The following VPS35L variants were observed in gnomAD, a reference collection of about 807,000 sequenced individuals.
VPS35L encodes VPS35 endosomal protein sorting factor like.
A neutral mutation model predicts 133.0 loss-of-function variants in VPS35L; 83 were observed. The ratio of observed to expected loss-of-function variants is 0.62; its 90% CI spans 0.52 to 0.75. The LOEUF (loss-of-function observed/expected upper bound fraction) is 0.75, where lower values mean the gene tolerates loss of function less well. Among genes scored for constraint, VPS35L ranks in the 30% least tolerant of loss-of-function variants. The probability of loss-of-function intolerance (pLI) is 0.00; values close to 1 mark genes in which losing one functional copy is unlikely to be tolerated. For synonymous variants in VPS35L, 423 were observed against 449.9 expected (o/e 0.94, Z 0.76); for missense variants, 1,083 against 1,206.8 (o/e 0.90, Z 1.52).
At chr16:19,684,607 A>C (rs1194203613) in intron 28 of VPS35L, among the ~76,000 whole-genome samples, 1 of 152,190 alleles carries the variant, frequency 6.6e-6, no homozygotes, top group African/African-American at 2.4e-5. Context: ...CAGCTTTACT[A>C]TGAGGACAGG....
At chr16:19,560,522 G>A (rs1038435091) in intron 1 of VPS35L, among the ~76,000 whole-genome samples, 1 of 152,168 alleles carries the variant, frequency 6.6e-6, no homozygotes, top group Non-Finnish European at 1.5e-5. Context: ...GAGGCTGGGC[G>A]TGGTGGCTCA....
intron 29 of VPS35L, among the ~76,000 whole-genome samples, chr16:19,697,169 A>AC (rs1193598559): frequency 6.6e-6 from 1 of 152,224 alleles, no homozygotes; most frequent in African/African-American, 2.4e-5. Flanking sequence ...CCACAGCACA[A>AC]CCTGCTCCCT....
chr16:19,616,345 A>G (rs1414678762), intron 13 of VPS35L, among the ~76,000 whole-genome samples, 154 bp downstream of exon 13: 1 of 152,102 alleles, frequency 6.6e-6, no homozygotes, highest in East Asian at 1.9e-4. Flanking sequence ...TAGACAATTA[A>G]AATGTGTTGA....
intron 14 of VPS35L, among the ~76,000 whole-genome samples, chr16:19,621,759 A>G (rs1973089277): frequency 6.6e-6 from 1 of 152,228 alleles, no homozygotes; most frequent in Non-Finnish European, 1.5e-5. Context: ...ACTTACATGT[A>G]TTCCCAAGTT....
intron 7 of VPS35L, among the ~76,000 whole-genome samples, chr16:19,584,182 T>C (rs1597328799): frequency 6.6e-6 from 1 of 152,258 alleles, no homozygotes; most frequent in East Asian, 1.9e-4. Flanking sequence ...CTGGTATTTC[T>C]TTGATATACT....
At chr16:19,578,968 G>A (rs1484405777) in intron 5 of VPS35L, 84 bp from the exon 6 acceptor site, 1 of 1,079,996 alleles carries the variant, frequency 9.3e-7, no homozygotes, top group Non-Finnish European at 1.4e-6. Flanking sequence ...TATTCACGAT[G>A]AAGTGTAGAG....
chr16:19,632,570 T>C (rs111755241), intron 18 of VPS35L, among the ~76,000 whole-genome samples: 1 of 152,256 alleles, frequency 6.6e-6, no homozygotes. Context: ...CTTTTGTATT[T>C]TCTATAAATC....
intron 26 of VPS35L, among the ~76,000 whole-genome samples, chr16:19,667,270 T>A (rs1378354039): frequency 6.6e-6 from 1 of 152,048 alleles, no homozygotes; most frequent in Non-Finnish European, 1.5e-5. Flanking sequence ...TTGGGCCATG[T>A]CTTACTAGTG....
At position 19,633,725 on chromosome 16, in the gene VPS35L, T is replaced by G. The variant is rs963235180; in HGVS notation, c.1635+553T>G. 1.3e-5 allele frequency among the ~76,000 whole-genome samples: 2 copies of G among 151,062 alleles called. No individual in the cohort carries two copies. Among genetic ancestry groups the G allele is most frequent in the African/African-American group, 4.9e-5 (2 of 41,086 alleles). On this transcript the variant is annotated intron_variant, in intron 19 of 30. Transcript: ENST00000417362. The surrounding 1 kb of genome is among the most constrained non-coding windows in gnomAD (Gnocchi z 4.1). The stretch of plus-strand genomic sequence containing the variant: ...CAGATTTACTAGCTGTTAACATTTG[T>G]TTTTTTTTGTTTTTGTTTTTGTTTT...
chr16:19,583,657 G>A (rs1434443659), intron 7 of VPS35L, among the ~76,000 whole-genome samples: 2 of 151,788 alleles, frequency 1.3e-5, no homozygotes, highest in Non-Finnish European at 2.9e-5. Flanking sequence ...GGGAGGTGGA[G>A]GTTGCAGTGA....
In VPS35L at chr16:19,640,004, T is replaced by C; in HGVS notation, c.1699-11T>C. The C allele has an allele frequency of 6.2e-7, 1 of 1,612,908 alleles. No individual in the cohort carries two copies. Among genetic ancestry groups the C allele is most frequent in the Non-Finnish European group, 8.5e-7 (1 of 1,178,908 alleles). On this transcript the variant is annotated splice_polypyrimidine_tract_variant and intron_variant, in intron 20 of 30. Coordinates refer to ENST00000417362, the MANE Select transcript of VPS35L (RefSeq NM_020314.7). The stretch of plus-strand genomic sequence containing the variant: ...TGTCATTTGCATATAGAGTGCTTGC[T>C]TTATTTATAGGAAAAATTTCTGCCG...
At chr16:19,571,028 C>T (rs539095977) in intron 3 of VPS35L, among the ~76,000 whole-genome samples, 1 of 151,230 alleles carries the variant, frequency 6.6e-6, no homozygotes, top group East Asian at 1.9e-4. Context: ...CACGTGCCAC[C>T]ATGCCCAGCT....
intron 29 of VPS35L, among the ~76,000 whole-genome samples, chr16:19,698,977 G>A (rs1976014172): frequency 6.6e-6 from 1 of 152,194 alleles, no homozygotes; most frequent in Non-Finnish European, 1.5e-5. Flanking sequence ...AGCAAGAAAG[G>A]AAAGATCTGA....
chr16:19,613,300 C>G (rs2151550152), intron 12 of VPS35L, among the ~76,000 whole-genome samples: 1 of 152,218 alleles, frequency 6.6e-6, no homozygotes, highest in Admixed American at 6.5e-5. Context: ...AAGACTGCCT[C>G]AAACAAACAA....
chr16:19,682,330 T>G lies in VPS35L; in HGVS notation c.2467T>G (p.Cys823Gly). The G allele has an allele frequency of 6.2e-7, 1 of 1,614,208 alleles. No homozygotes were observed. The highest frequency in any genetic ancestry group is 8.5e-7 in the Non-Finnish European group (1 of 1,180,036). Residue 823 changes from cysteine to glycine, a missense_variant, in exon 28 of 31, where the codon TGC (cysteine) becomes GGC (glycine). Cys to Gly is a radical substitution (Grantham distance 159). Transcript: ENST00000417362. ...CGATGAGAAAATCCGCATCTACACCTGCGTCCTGCATCTCCTCTCCGCCAT... is the reference window on the plus strand; with the variant it reads ...CGATGAGAAAATCCGCATCTACACCGGCGTCCTGCATCTCCTCTCCGCCAT... ...NSDEKIRIYT[C>G]VLHLLSAMSQ...
In VPS35L at chr16:19,700,371, C is replaced by T. The variant is rs778462446; in HGVS notation, c.2794-7C>T. 6.2e-7 allele frequency: 1 copy of T among 1,610,894 alleles called. No homozygotes were observed. Among genetic ancestry groups the T allele is most frequent in the South Asian group, 1.1e-5 (1 of 90,998 alleles). On this transcript the variant is annotated splice_polypyrimidine_tract_variant and splice_region_variant and intron_variant, in intron 30 of 30. Coordinates refer to ENST00000417362, the MANE Select transcript of VPS35L (RefSeq NM_020314.7). ...GAAAGGAGATGGATCTTTCTTTTTC[C>T]TCATAGGTGAAAACGCTAGAATACA...
In VPS35L at chr16:19,655,478, C is replaced by G. The variant is rs372430425; in HGVS notation, c.2221+3388C>G. Among the ~76,000 whole-genome samples the G allele has an allele frequency of 3.9e-5, 6 of 152,338 alleles. No individual in the cohort carries two copies. In the South Asian group the frequency reaches 8.3e-4, roughly 21 times the overall value. ...AGCTGGTTATAAAATGTCCCCGTCC[C>G]TCCAGTTCATTTTGTTGCCTCCCTT... is the stretch of plus-strand genomic sequence containing the variant. On this transcript the variant is annotated intron_variant, in intron 26 of 30. Coordinates refer to ENST00000417362, the MANE Select transcript of VPS35L (RefSeq NM_020314.7).
At chr16:19,686,098 G>C (rs1975449484) in intron 28 of VPS35L, among the ~76,000 whole-genome samples, 1 of 152,148 alleles carries the variant, frequency 6.6e-6, no homozygotes, top group African/African-American at 2.4e-5. Flanking sequence ...CTTCTTCTTA[G>C]TCCAGCTGTG....
At position 19,560,936 on chromosome 16, in the gene VPS35L, G is replaced by A. The variant is rs1238857435; in HGVS notation, c.18-3915G>A. Among the ~76,000 whole-genome samples the A allele has an allele frequency of 2.6e-5, 4 of 151,808 alleles. No homozygotes were observed. The East Asian group carries it at 7.7e-4, about 29-fold the overall frequency. The stretch of plus-strand genomic sequence containing the variant: ...TCGAGGATTGCCTGATAGCATCCTT[G>A]ATGGGATGGGAGTTTGGAGGAATAT... On this transcript the variant is annotated intron_variant, in intron 1 of 30. Transcript: ENST00000417362.
Sources: gnomAD v4.1 joint callset for allele counts (sites outside exome capture counted in the v4.1 genomes callset) on GRCh38, gnomAD v4.1.1 for gene constraint, Gnocchi (gnomAD v3.1) non-coding constraint, MANE v1.5 for transcripts, NCBI Gene and HGNC (gene_info 2026-07-23, HGNC 2026-07-21) for gene names.